MCPH1: variants seen among roughly 807,000 people sequenced by gnomAD.
MCPH1 encodes the protein microcephalin.
In MCPH1, 104 loss-of-function variants were observed where a neutral mutation model predicts 84.5. The ratio of observed to expected loss-of-function variants is 1.23; its 90% CI spans 1.05 to 1.45. The LOEUF is 1.45. Ranked by LOEUF, MCPH1 falls within the 40% of genes most tolerant of loss-of-function variation. The pLI is 0.00. For synonymous variants in MCPH1, 514 were observed against 366.8 expected, an observed-to-expected ratio of 1.40 and a Z score of -4.58; for missense variants, 1,498 against 1,005.7, an observed-to-expected ratio of 1.49 and a Z score of -6.62.
At position 6,465,924 on chromosome 8, in the gene MCPH1, G is replaced by GATGCATCCATCCATCC. The variant is rs368134296; in HGVS notation, c.1935+10674_1935+10675insGCATCCATCCATCCAT. 6.3e-3 allele frequency among the ~76,000 whole-genome samples: 931 copies of GATGCATCCATCCATCC among 148,336 alleles called. 14 individuals are homozygous for GATGCATCCATCCATCC. The highest frequency in any genetic ancestry group is 0.024 in the South Asian group (109 of 4,620). On this transcript the variant is annotated intron_variant, in intron 9 of 13. Coordinates refer to ENST00000344683, the MANE Select transcript of MCPH1 (RefSeq NM_024596.5). Reference sequence around the variant, plus strand: ...TATTTCCTACTCAATTTTATCTATCGATCCATCCATCCATCCATCCATGCA... The same window carrying GATGCATCCATCCATCC: ...TATTTCCTACTCAATTTTATCTATCGATGCATCCATCCATCCATCCATCCATCCATCCATCCATGCA...
At chr8:6,551,839 C>G (rs538317403) in intron 12 of MCPH1, among the ~76,000 whole-genome samples, 22 of 152,248 alleles carry the variant, frequency 1.4e-4, no homozygotes, top group African/African-American at 5.3e-4. Context: ...CGTACTTTCT[C>G]GAGCAGAATT....
rs754820695 is a variant in MCPH1 at position 6,583,852 on chromosome 8, G to GTTTT, written c.2215-37601_2215-37598dup. The stretch of plus-strand genomic sequence containing the variant: ...CCTAGGTTATTGGTGTTCATTTCTT[G>GTTTT]TTTTGTTTTTTTTTTTAAGACATAT... On this transcript the variant is annotated intron_variant, in intron 12 of 13. Coordinates refer to ENST00000344683, the MANE Select transcript of MCPH1 (RefSeq NM_024596.5). 9.8e-3 allele frequency among the ~76,000 whole-genome samples: 1,270 copies of GTTTT among 129,570 alleles called. 28 individuals are homozygous for GTTTT. The highest frequency in any genetic ancestry group is 0.034 in the African/African-American group (1,181 of 35,242). The allele number at this position is 129,570 out of a possible 152,430, so 85.0% of individuals were successfully genotyped here. A position where few individuals can be genotyped will look rare whatever the true frequency, so the allele number is the denominator to read the frequency against.
At chr8:6,607,448 T>C (rs2129578829) in intron 12 of MCPH1, among the ~76,000 whole-genome samples, 1 of 152,346 alleles carries the variant, frequency 6.6e-6, no homozygotes, top group South Asian at 2.1e-4. Context: ...ACTAAATATG[T>C]GTGCCTGTTT....
intron 2 of MCPH1, among the ~76,000 whole-genome samples, chr8:6,414,305 G>A (rs754973695): frequency 7.9e-5 from 12 of 152,234 alleles, no homozygotes; most frequent in Non-Finnish European, 1.5e-4. Flanking sequence ...ACCATGCCCA[G>A]CCATGGATAC....
chr8:6,478,883 G>C (rs922200278), intron 10 of MCPH1, among the ~76,000 whole-genome samples: 12 of 152,108 alleles, frequency 7.9e-5, no homozygotes. Flanking sequence ...GATCTCTTAA[G>C]AATTTAAAAG....
In MCPH1 at chr8:6,485,893, A is replaced by T. The variant is rs963788487; in HGVS notation, c.2136+5017A>T. Among the ~76,000 whole-genome samples, 54 of 152,328 alleles carry T rather than the reference A, an allele frequency of 3.5e-4. 1 individual carries two copies. Among genetic ancestry groups the T allele is most frequent in the African/African-American group, 1.2e-3 (51 of 41,578 alleles). ...CCACGATGACTCTCGCTGGCACAAC[A>T]GGAGTATTGATGTTCACAGGTTGCT... On this transcript the variant is annotated intron_variant, in intron 11 of 13. Coordinates refer to ENST00000344683, the MANE Select transcript of MCPH1 (RefSeq NM_024596.5).
intron 4 of MCPH1, among the ~76,000 whole-genome samples, chr8:6,432,837 A>G (rs1404643315): frequency 2.6e-5 from 4 of 152,272 alleles, no homozygotes. Flanking sequence ...TCCCTGTGAC[A>G]TGCTAAAATC....
intron 12 of MCPH1, among the ~76,000 whole-genome samples, chr8:6,579,133 A>T (rs1827347364): frequency 6.6e-6 from 1 of 151,758 alleles, no homozygotes; most frequent in South Asian, 2.1e-4. Flanking sequence ...TTCACTTAAA[A>T]CTCACCTAAC....
chr8:6,574,368 T>A (rs1408886514), intron 12 of MCPH1, among the ~76,000 whole-genome samples: 1 of 151,914 alleles, frequency 6.6e-6, no homozygotes, highest in African/African-American at 2.4e-5. Context: ...CGTCTTTTTA[T>A]AAAGATGCAG....
At chr8:6,426,661 G>A (rs932375484) in intron 3 of MCPH1, among the ~76,000 whole-genome samples, 4 of 152,198 alleles carry the variant, frequency 2.6e-5, no homozygotes, top group East Asian at 1.9e-4. Context: ...GTCTTTGTAT[G>A]CTTTCATTTC....
At chr8:6,621,360 T>C in intron 12 of MCPH1, 94 bp from the exon 13 acceptor site, 1 of 1,473,666 alleles carries the variant, frequency 6.8e-7, no homozygotes, top group Non-Finnish European at 9.4e-7. Flanking sequence ...GTCTATTCTT[T>C]TCATAAAAAA....
At chr8:6,527,897 C>CTCTTTTTTTTTTTTT (rs1343936237) in intron 12 of MCPH1, among the ~76,000 whole-genome samples, 1 of 105,956 alleles carries the variant, frequency 9.4e-6, no homozygotes, top group African/African-American at 3.1e-5. Flanking sequence ...CCCCACGTCT[C>CTCTTTTTTTTTTTTT]TATTTTTTTT....
chr8:6,417,998 C>A (rs966401161), intron 3 of MCPH1, among the ~76,000 whole-genome samples: 2 of 152,184 alleles, frequency 1.3e-5, no homozygotes, highest in African/African-American at 2.4e-5. Context: ...ATTATGTGGG[C>A]AGTTGCTTAG....
At position 6,644,869 on chromosome 8, in the gene MCPH1, A is replaced by G. The variant is rs1358245010; in HGVS notation, c.*1820A>G. On this transcript the variant is annotated 3_prime_UTR_variant, in exon 14 of 14. Transcript: ENST00000344683. The stretch of plus-strand genomic sequence containing the variant: ...TGCATTGTATAGGAATTGGCATTCT[A>G]TAGAAAACCACAGAAACTGGAAATA... 3 of 152,248 alleles carry G rather than the reference A, an allele frequency of 2.0e-5. No homozygotes were observed. Among genetic ancestry groups the G allele is most frequent in the African/African-American group, 4.8e-5 (2 of 41,456 alleles). 9.4% of individuals were successfully genotyped at this position (152,248 alleles called of 1,614,324 possible).
chr8:6,524,034 G>C (rs920991850), intron 12 of MCPH1, among the ~76,000 whole-genome samples: 1 of 152,020 alleles, frequency 6.6e-6, no homozygotes, highest in Non-Finnish European at 1.5e-5. Context: ...GTTTGTACAA[G>C]GCCAGTAAAT....
intron 7 of MCPH1, among the ~76,000 whole-genome samples, chr8:6,444,081 T>A (rs1205265209): frequency 1.3e-5 from 2 of 152,196 alleles, no homozygotes; most frequent in African/African-American, 2.4e-5. Flanking sequence ...GAAAATTTAG[T>A]GACAAACTAT....
chr8:6,507,341 A>G (rs889164001), intron 12 of MCPH1, among the ~76,000 whole-genome samples: 1 of 152,196 alleles, frequency 6.6e-6, no homozygotes, highest in Non-Finnish European at 1.5e-5. Flanking sequence ...TTTTGCAGAT[A>G]TGATTTATGT....
intron 13 of MCPH1, chr8:6,626,896 C>G: frequency 1.0e-6 from 1 of 984,934 alleles, no homozygotes; most frequent in Non-Finnish European, 1.2e-6. Flanking sequence ...CTCTCAGGCG[C>G]CCTTTTATTG....
intron 12 of MCPH1, among the ~76,000 whole-genome samples, chr8:6,534,523 C>CG (rs1399447791): frequency 6.7e-6 from 1 of 148,576 alleles, no homozygotes; most frequent in Non-Finnish European, 1.5e-5. Context: ...CCCGCCTCAG[C>CG]CCCCCAAAGT....
Sources: allele counts gnomAD v4.1 joint callset (sites outside exome capture counted in the v4.1 genomes callset), GRCh38; gene constraint gnomAD v4.1.1; transcripts MANE v1.5; gene names NCBI Gene and HGNC (gene_info 2026-07-23, HGNC 2026-07-21).